CCSER1: variants seen among roughly 807,000 people sequenced by gnomAD.
The protein encoded by CCSER1 is serine-rich coiled-coil domain-containing protein 1.
In CCSER1, 41 loss-of-function variants were observed where a neutral mutation model predicts 82.0. That is an observed-to-expected ratio of 0.50 (90% CI 0.39 to 0.65). CCSER1 has a LOEUF of 0.65. Among genes scored for constraint, CCSER1 ranks in the 30% least tolerant of loss-of-function variants. CCSER1 has a pLI of 0.00. For missense variants in CCSER1, 1,119 were observed against 1,064.2 expected (o/e 1.05, Z -0.72); for synonymous variants, 414 against 383.9 (o/e 1.08, Z -0.92).
At chr4:91,487,999 GATC>G (rs1758313015) in intron 10 of CCSER1, among the ~76,000 whole-genome samples, 1 of 151,758 alleles carries the variant, frequency 6.6e-6, no homozygotes. Flanking sequence ...AATTAAATAC[GATC>G]ATTTGAAATG....
chr4:91,174,137 A>G (rs1017536189), intron 10 of CCSER1, among the ~76,000 whole-genome samples: 4 of 152,312 alleles, frequency 2.6e-5, no homozygotes, highest in African/African-American at 9.6e-5. Flanking sequence ...TCTGAACAAC[A>G]TTAACATCCC....
At chr4:91,572,035 T>C (rs1406928245) in intron 10 of CCSER1, among the ~76,000 whole-genome samples, 18 of 152,122 alleles carry the variant, frequency 1.2e-4, no homozygotes, top group Admixed American at 1.2e-3. Flanking sequence ...AATTGCCCGT[T>C]AAGGCTCTGT....
chr4:90,510,981 G>T lies in CCSER1; in HGVS notation c.1724+42627G>T, dbSNP rs146553066. 2.1e-3 allele frequency among the ~76,000 whole-genome samples: 317 copies of T among 152,292 alleles called. No homozygotes were observed. The South Asian group carries it at 0.022, about 10-fold the overall frequency. ...ATCCTAACTCATTCTAATATGAAAAGATTAGGGAGATGAGGAAAAACCAGC... is the reference window on the plus strand; with the variant it reads ...ATCCTAACTCATTCTAATATGAAAATATTAGGGAGATGAGGAAAAACCAGC... On this transcript the variant is annotated intron_variant, in intron 5 of 10. Coordinates refer to ENST00000509176, the MANE Select transcript of CCSER1 (RefSeq NM_001145065.2).
chr4:90,674,574 C>G (rs1362787062), intron 6 of CCSER1, among the ~76,000 whole-genome samples: 5 of 151,788 alleles, frequency 3.3e-5, no homozygotes, highest in South Asian at 4.2e-4. Context: ...GTTTTATTAC[C>G]AAACAAAAAT....
chr4:91,306,059 T>TTGTGTGTGTGTGTG (rs70965483), intron 10 of CCSER1, among the ~76,000 whole-genome samples: 9 of 139,636 alleles, frequency 6.4e-5, no homozygotes, highest in African/African-American at 2.4e-4. Flanking sequence ...ATCAGTGTGT[T>TTGTGTGTGTGTGTG]TGTGTGTGTG....
At chr4:91,523,042 T>A (rs1760574720) in intron 10 of CCSER1, among the ~76,000 whole-genome samples, 1 of 152,130 alleles carries the variant, frequency 6.6e-6, no homozygotes, top group African/African-American at 2.4e-5. Context: ...TTTTGAGATA[T>A]GTTCCATCAA....
At chr4:90,588,188 A>G (rs1173794743) in intron 5 of CCSER1, among the ~76,000 whole-genome samples, 2 of 152,186 alleles carry the variant, frequency 1.3e-5, no homozygotes, top group Non-Finnish European at 2.9e-5. Context: ...TAACACAAGC[A>G]TCAAGTTTCC....
At chr4:90,867,921 A>G (rs577305491) in intron 8 of CCSER1, among the ~76,000 whole-genome samples, 16 of 152,184 alleles carry the variant, frequency 1.1e-4, no homozygotes, top group South Asian at 4.1e-4. Context: ...GTATATGCAT[A>G]ACATTGTTTT....
chr4:90,139,579 T>C (rs1724350276), intron 1 of CCSER1, among the ~76,000 whole-genome samples: 1 of 152,212 alleles, frequency 6.6e-6, no homozygotes, highest in Non-Finnish European at 1.5e-5. Context: ...AAAAGCTGTA[T>C]TTCTTGGTAA....
At chr4:91,297,417 G>A (rs1290851264) in intron 10 of CCSER1, among the ~76,000 whole-genome samples, 2 of 148,418 alleles carry the variant, frequency 1.3e-5, no homozygotes, top group Non-Finnish European at 3.0e-5. Flanking sequence ...GTGTGTGTGT[G>A]TGTGTGTTAG....
chr4:90,463,391 A>G (rs975643169), intron 4 of CCSER1, among the ~76,000 whole-genome samples: 4 of 152,216 alleles, frequency 2.6e-5, no homozygotes, highest in African/African-American at 7.2e-5. Context: ...GGGTTTTTCT[A>G]TACTCAAGCT....
intron 9 of CCSER1, among the ~76,000 whole-genome samples, chr4:90,991,323 G>T (rs1276859497): frequency 6.6e-6 from 1 of 151,952 alleles, no homozygotes; most frequent in Non-Finnish European, 1.5e-5. Flanking sequence ...TAAAACAAGA[G>T]AAATTTATTG....
intron 1 of CCSER1, among the ~76,000 whole-genome samples, chr4:90,248,720 C>T (rs113364550): frequency 0.045 from 6,734 of 148,042 alleles, 392 homozygotes; most frequent in African/African-American, 0.14. Flanking sequence ...TTTTTTGAGA[C>T]GGTTTCTCAC....
intron 10 of CCSER1, among the ~76,000 whole-genome samples, chr4:91,535,963 C>A (rs1183609692): frequency 6.6e-6 from 1 of 152,006 alleles, no homozygotes; most frequent in Admixed American, 6.6e-5. Context: ...TCTCTTTATC[C>A]CTTCAAAAAA....
At chr4:90,913,523 G>A (rs1315247485) in intron 8 of CCSER1, among the ~76,000 whole-genome samples, 1 of 152,108 alleles carries the variant, frequency 6.6e-6, no homozygotes, top group Non-Finnish European at 1.5e-5. Context: ...GCCAATACCA[G>A]CCACTGCAAA....
At chr4:90,139,050 TTGTC>T (rs1724233435) in intron 1 of CCSER1, among the ~76,000 whole-genome samples, 1 of 152,182 alleles carries the variant, frequency 6.6e-6, no homozygotes, top group Non-Finnish European at 1.5e-5. Flanking sequence ...TTTTTTTTGT[TTGTC>T]TGTTTCTTCT....
At chr4:90,752,329 G>T (rs1466684333) in intron 7 of CCSER1, among the ~76,000 whole-genome samples, 1 of 151,920 alleles carries the variant, frequency 6.6e-6, no homozygotes, top group Admixed American at 6.6e-5. Flanking sequence ...TTTTACAATT[G>T]CAGGGAACCT....
chr4:90,703,897 A>C (rs1005604492), intron 6 of CCSER1, among the ~76,000 whole-genome samples: 1 of 152,144 alleles, frequency 6.6e-6, no homozygotes, highest in Non-Finnish European at 1.5e-5. Context: ...TCCTGAATAC[A>C]GCACACTGAT....
At chr4:91,264,061 G>A (rs924466729) in intron 10 of CCSER1, among the ~76,000 whole-genome samples, 5 of 151,828 alleles carry the variant, frequency 3.3e-5, no homozygotes, top group African/African-American at 4.8e-5. Context: ...CCATGTACCC[G>A]AACCATAAAT....
Sources: gnomAD v4.1 joint callset for allele counts (sites outside exome capture counted in the v4.1 genomes callset) on GRCh38, gnomAD v4.1.1 for gene constraint, MANE v1.5 for transcripts, NCBI Gene and HGNC (gene_info 2026-07-23, HGNC 2026-07-21) for gene names.